The following WWOX variants were observed in gnomAD, a reference collection of about 807,000 sequenced individuals.
WWOX encodes the protein WW domain containing oxidoreductase.
WWOX carries 69 observed loss-of-function variants against 46.2 expected under a neutral mutation model. That is an observed-to-expected ratio of 1.49 (90% confidence interval 1.23 to 1.82). The LOEUF is 1.82. Among genes scored for constraint, WWOX ranks in the 40% most tolerant of loss-of-function variants. The probability of loss-of-function intolerance (pLI) is 0.00; values close to 1 mark genes in which losing one functional copy is unlikely to be tolerated. For missense variants in WWOX, 919 were observed against 542.6 expected (o/e 1.69, Z -6.89); for synonymous variants, 359 against 202.6 (o/e 1.77, Z -6.56).
At chr16:78,412,255 C>T (rs993391847) in intron 6 of WWOX, among the ~76,000 whole-genome samples, 1 of 152,052 alleles carries the variant, frequency 6.6e-6, no homozygotes, top group African/African-American at 2.4e-5. Context: ...CAAATATCAG[C>T]CATTACAGAA....
chr16:78,937,582 A>T (rs1347735989), intron 8 of WWOX, among the ~76,000 whole-genome samples: 1 of 147,664 alleles, frequency 6.8e-6, no homozygotes, highest in Non-Finnish European at 1.5e-5. Flanking sequence ...GGCATCTGCC[A>T]CCGTGCCCAG....
intron 8 of WWOX, among the ~76,000 whole-genome samples, chr16:78,603,407 A>G (rs1597333840): frequency 6.6e-6 from 1 of 152,216 alleles, no homozygotes; most frequent in African/African-American, 2.4e-5. Context: ...TTAAAAAACT[A>G]TATCCTGCTG....
chr16:79,003,809 C>A (rs1208089304), intron 8 of WWOX, among the ~76,000 whole-genome samples: 1 of 152,140 alleles, frequency 6.6e-6, no homozygotes, highest in Non-Finnish European at 1.5e-5. Context: ...GTCACTTCCA[C>A]TGCATCTTTG....
intron 8 of WWOX, among the ~76,000 whole-genome samples, chr16:78,936,998 G>A (rs151336245): frequency 1.6e-4 from 24 of 152,192 alleles, no homozygotes; most frequent in African/African-American, 5.8e-4. Context: ...TTGGGAATAC[G>A]GTCATATACT....
chr16:79,183,378 A>G (rs1597454061), intron 8 of WWOX, among the ~76,000 whole-genome samples: 1 of 152,344 alleles, frequency 6.6e-6, no homozygotes, highest in African/African-American at 2.4e-5. Flanking sequence ...GCATTTTGTC[A>G]GCCACCGTGC....
chr16:78,992,692 G>T (rs2046912368), intron 8 of WWOX, among the ~76,000 whole-genome samples: 1 of 152,094 alleles, frequency 6.6e-6, no homozygotes, highest in East Asian at 1.9e-4. Context: ...TAACCAACAA[G>T]AAAGATCACT....
chr16:78,389,885 G>C (rs1361286321), intron 6 of WWOX, among the ~76,000 whole-genome samples: 1 of 152,136 alleles, frequency 6.6e-6, no homozygotes, highest in South Asian at 2.1e-4. Flanking sequence ...GAGTAGCTGG[G>C]ATTACAGGTG....
rs74776945 is a variant in WWOX, at chr16:78,348,793, G to C, written c.517-38067G>C. 1.1e-3 allele frequency among the ~76,000 whole-genome samples: 135 copies of C among 120,974 alleles called. 26 individuals are homozygous for C. Among genetic ancestry groups the C allele is most frequent in the African/African-American group, 3.7e-3 (131 of 35,688 alleles). 79.4% of individuals were successfully genotyped at this position (120,974 alleles called of 152,430 possible). A position where few individuals can be genotyped will look rare whatever the true frequency, so the allele number is the denominator to read the frequency against. On this transcript the variant is annotated intron_variant, in intron 5 of 8. Coordinates refer to ENST00000566780, the MANE Select transcript of WWOX (RefSeq NM_016373.4). ...GCTTAAATTCAGAAATTGGGAAGGA[G>C]GGTCAGGTAGCTATAAGCAAAATAC...
intron 8 of WWOX, among the ~76,000 whole-genome samples, chr16:78,760,004 C>T (rs1040493126): frequency 6.6e-6 from 1 of 152,104 alleles, no homozygotes; most frequent in African/African-American, 2.4e-5. Context: ...TTGCATTAGG[C>T]CCACCAGGCT....
At chr16:78,710,386 C>G (rs532684639) in intron 8 of WWOX, among the ~76,000 whole-genome samples, 2 of 148,906 alleles carry the variant, frequency 1.3e-5, no homozygotes, top group Admixed American at 1.4e-4. Flanking sequence ...CCTCCAGAGC[C>G]TTCCGCATCT....
chr16:78,502,030 G>A (rs547302314), intron 8 of WWOX, among the ~76,000 whole-genome samples: 8 of 152,266 alleles, frequency 5.3e-5, no homozygotes, highest in East Asian at 3.9e-4. Context: ...GAATTGTATC[G>A]TAGCCTGACT....
intron 8 of WWOX, among the ~76,000 whole-genome samples, chr16:78,997,416 A>T (rs771492072): frequency 2.0e-5 from 3 of 152,158 alleles, no homozygotes; most frequent in South Asian, 2.1e-4. Flanking sequence ...AGAATTTTTT[A>T]AAAAATAGGT....
At chr16:78,617,943 A>C (rs1026754607) in intron 8 of WWOX, among the ~76,000 whole-genome samples, 10 of 152,216 alleles carry the variant, frequency 6.6e-5, no homozygotes, top group African/African-American at 2.4e-4. Flanking sequence ...TGAGTGGGAA[A>C]GGACTTTTAA....
At chr16:78,295,846 C>T (rs569600328) in intron 5 of WWOX, among the ~76,000 whole-genome samples, 1 of 152,354 alleles carries the variant, frequency 6.6e-6, no homozygotes, top group East Asian at 1.9e-4. Flanking sequence ...TTTCGAACTT[C>T]TGGAGTGCAG....
chr16:78,466,659 G>C (rs1025561588), intron 8 of WWOX, among the ~76,000 whole-genome samples: 9 of 151,976 alleles, frequency 5.9e-5, no homozygotes, highest in Non-Finnish European at 8.8e-5. Context: ...GTGAAACCCT[G>C]TCTCTACTAT....
At chr16:78,776,526 T>A (rs1175619248) in intron 8 of WWOX, among the ~76,000 whole-genome samples, 2 of 152,204 alleles carry the variant, frequency 1.3e-5, no homozygotes, top group Non-Finnish European at 1.5e-5. Context: ...CTTGACATGA[T>A]GACCTGTTTA....
At chr16:78,188,520 C>G (rs544959235) in intron 5 of WWOX, among the ~76,000 whole-genome samples, 1 of 151,682 alleles carries the variant, frequency 6.6e-6, no homozygotes, top group African/African-American at 2.4e-5. Context: ...AGATTGTTTG[C>G]CTCAGTTGGG....
At chr16:78,676,786 C>T (rs576532095) in intron 8 of WWOX, among the ~76,000 whole-genome samples, 5 of 152,172 alleles carry the variant, frequency 3.3e-5, no homozygotes, top group African/African-American at 7.2e-5. Flanking sequence ...AAGTGCTTTG[C>T]TCATTCTTTG....
At chr16:78,768,370 A>G (rs1007405129) in intron 8 of WWOX, among the ~76,000 whole-genome samples, 3 of 148,922 alleles carry the variant, frequency 2.0e-5, no homozygotes, top group African/African-American at 7.4e-5. Flanking sequence ...TGGGCGGATC[A>G]TCTGAGGTGA....
Sources: gnomAD v4.1 joint callset for allele counts (sites outside exome capture counted in the v4.1 genomes callset) on GRCh38, gnomAD v4.1.1 for gene constraint, MANE v1.5 for transcripts, NCBI Gene and HGNC (gene_info 2026-07-23, HGNC 2026-07-21) for gene names.